Variants in SSBP3 observed in about 807,000 individuals in gnomAD.
SSBP3 encodes the protein single stranded DNA binding protein 3.
SSBP3 carries 5 observed loss-of-function variants against 69.6 expected under a neutral mutation model. The observed-to-expected ratio is 0.07, with a 90% CI of 0.04 to 0.15. The LOEUF (loss-of-function observed/expected upper bound fraction) is 0.15. Ranked by LOEUF, SSBP3 falls within the 10% of genes least tolerant of loss-of-function variation. SSBP3 has a pLI of 1.00. For missense variants in SSBP3, 312 were observed against 534.0 expected, an observed-to-expected ratio of 0.58 and a Z score of 4.10; for synonymous variants, 196 against 193.4, an observed-to-expected ratio of 1.01 and a Z score of -0.11.
Position 54,273,720 on chromosome 1 carries a change from G to C in SSBP3, c.366+7718C>G, listed in dbSNP as rs188181512. The stretch of plus-strand genomic sequence containing the variant: ...ACAGAGGAGCAAGCTAAGGCCAAGA[G>C]AGAGAAGGCTGGCTCCCCGAGGACA... On this transcript the variant is annotated intron_variant, in intron 5 of 17. Transcript: ENST00000610401. Among the ~76,000 whole-genome samples the C allele has an allele frequency of 6.8e-4, 104 of 152,370 alleles. 1 individual carries two copies. In the East Asian group the frequency reaches 0.018, roughly 26 times the overall value.
At chr1:54,237,525 T>A (rs644660) in intron 14 of SSBP3, 85,829 of 151,622 alleles carry the variant, frequency 0.57, 25,077 homozygotes, top group South Asian at 0.73. Context: ...CCATATGCCA[T>A]TTCTCACATT....
At chr1:54,240,047 G>GTGTGTGT (rs1553123140) in intron 13 of SSBP3, among the ~76,000 whole-genome samples, 35 of 77,798 alleles carry the variant, frequency 4.5e-4, no homozygotes, top group African/African-American at 1.6e-3. Context: ...ATTGTGATGG[G>GTGTGTGT]GTGTGTGTGT....
intron 4 of SSBP3, among the ~76,000 whole-genome samples, chr1:54,303,630 A>G (rs892795378): frequency 6.6e-6 from 1 of 152,152 alleles, no homozygotes; most frequent in Non-Finnish European, 1.5e-5. Flanking sequence ...CCATGCTACA[A>G]ATCTCGTGCT....
At chr1:54,352,753 A>G (rs1386902403) in intron 4 of SSBP3, among the ~76,000 whole-genome samples, 1 of 152,230 alleles carries the variant, frequency 6.6e-6, no homozygotes, top group East Asian at 1.9e-4. Context: ...ACGTGCAGAC[A>G]ACACAAAACC....
chr1:54,257,723 T>C (rs570818319), intron 6 of SSBP3, among the ~76,000 whole-genome samples: 1 of 151,982 alleles, frequency 6.6e-6, no homozygotes, highest in Admixed American at 6.5e-5. Context: ...GCAGCACGAG[T>C]GCACAAAGAA....
At chr1:54,308,803 G>A (rs1038068616) in intron 4 of SSBP3, among the ~76,000 whole-genome samples, 3 of 151,754 alleles carry the variant, frequency 2.0e-5, no homozygotes, top group African/African-American at 7.3e-5. Context: ...AATAGGATAA[G>A]CCATTGATCA....
intron 4 of SSBP3, among the ~76,000 whole-genome samples, chr1:54,387,157 G>T (rs1377828569): frequency 1.3e-5 from 2 of 152,190 alleles, no homozygotes; most frequent in African/African-American, 4.8e-5. Context: ...GTGTCCCAAA[G>T]CGCCCACTGG....
At chr1:54,294,165 AAGAAAG>A (rs1557504888) in intron 4 of SSBP3, among the ~76,000 whole-genome samples, 19,886 of 71,936 alleles carry the variant, frequency 0.28, 3,751 homozygotes, top group East Asian at 0.4. Flanking sequence ...AAAAAAAAGA[AAGAAAG>A]AAAGAAAGAA....
At chr1:54,229,276 G>A (rs1214443414) in intron 14 of SSBP3, among the ~76,000 whole-genome samples, 1 of 152,198 alleles carries the variant, frequency 6.6e-6, no homozygotes, top group Non-Finnish European at 1.5e-5. Flanking sequence ...GAGAGGAAAC[G>A]CTTTGCTTGA....
intron 4 of SSBP3, among the ~76,000 whole-genome samples, chr1:54,316,697 TAAATAAATAAATA>T (rs1277722956): frequency 0.014 from 1,761 of 123,982 alleles, 25 homozygotes; most frequent in Non-Finnish European, 0.02. Flanking sequence ...AATAAATAAA[TAAATAAATAAATA>T]AAATAAAATA....
At chr1:54,384,912 T>C (rs1403292987) in intron 4 of SSBP3, among the ~76,000 whole-genome samples, 2 of 152,214 alleles carry the variant, frequency 1.3e-5, no homozygotes, top group East Asian at 3.9e-4. Flanking sequence ...TAGCTTCTAA[T>C]TCCTGAACAG....
intron 4 of SSBP3, among the ~76,000 whole-genome samples, chr1:54,343,156 G>A (rs902337364): frequency 6.6e-6 from 1 of 152,190 alleles, no homozygotes; most frequent in African/African-American, 2.4e-5. Flanking sequence ...AGGGGAGGCT[G>A]TGCCCTAACC....
intron 4 of SSBP3, among the ~76,000 whole-genome samples, chr1:54,336,241 G>A (rs1285536645): frequency 6.6e-6 from 1 of 152,180 alleles, no homozygotes; most frequent in East Asian, 1.9e-4. Flanking sequence ...TACCCACTGG[G>A]TCTCTGCAGT....
rs58429798 is a variant in SSBP3, at chr1:54,386,683, C to CTTTTT, written c.276+15173_276+15177dup. ...ATCCACAATGTATAAACTGATCCTA[C>CTTTTT]TTTTTTTTTTTTTTTTTTTTTAAGA... On this transcript the variant is annotated intron_variant, in intron 4 of 17. Transcript: ENST00000610401. Among the ~76,000 whole-genome samples, 104 of 76,082 alleles carry CTTTTT rather than the reference C, an allele frequency of 1.4e-3. 11 individuals are homozygous for CTTTTT. Among genetic ancestry groups the CTTTTT allele is most frequent in the African/African-American group, 4.0e-3 (58 of 14,576 alleles). 49.9% of individuals were successfully genotyped at this position (76,082 alleles called of 152,430 possible).
At chr1:54,280,640 G>A (rs1346045354) in intron 5 of SSBP3, among the ~76,000 whole-genome samples, 6 of 151,824 alleles carry the variant, frequency 4.0e-5, no homozygotes, top group East Asian at 1.9e-4. Context: ...AGCCCTGCAC[G>A]CTGTACCTCT....
At chr1:54,277,797 C>G (rs775371438) in intron 5 of SSBP3, among the ~76,000 whole-genome samples, 1 of 152,112 alleles carries the variant, frequency 6.6e-6, no homozygotes, top group Non-Finnish European at 1.5e-5. Context: ...CACCTTAGGG[C>G]CAAGGAACTT....
chr1:54,388,363 G>A (rs995044829), intron 4 of SSBP3, among the ~76,000 whole-genome samples: 4 of 152,140 alleles, frequency 2.6e-5, no homozygotes, highest in Non-Finnish European at 4.4e-5. Flanking sequence ...CTTCCTCATC[G>A]GAGAAATGAG....
intron 4 of SSBP3, among the ~76,000 whole-genome samples, chr1:54,352,921 C>A (rs1646803853): frequency 6.6e-6 from 1 of 152,194 alleles, no homozygotes; most frequent in Non-Finnish European, 1.5e-5. Flanking sequence ...CAAAAGCCAC[C>A]CAGTCCCAAA....
chr1:54,235,208 T>TG (rs1557442497), intron 14 of SSBP3, among the ~76,000 whole-genome samples: 1 of 152,010 alleles, frequency 6.6e-6, no homozygotes, highest in Admixed American at 6.6e-5. Flanking sequence ...GAGGACCAGC[T>TG]GCTTGTCAAT....
Sources: allele counts gnomAD v4.1 joint callset (sites outside exome capture counted in the v4.1 genomes callset), GRCh38; gene constraint gnomAD v4.1.1; transcripts MANE v1.5; gene names NCBI Gene and HGNC (gene_info 2026-07-23, HGNC 2026-07-21).